ARL1: variants seen among roughly 807,000 people sequenced by gnomAD.
ARL1 encodes the protein ARF like GTPase 1.
A neutral mutation model predicts 30.1 loss-of-function variants in ARL1; 17 were observed. The ratio of observed to expected loss-of-function variants is 0.56; its 90% CI spans 0.39 to 0.85. The LOEUF is 0.85. Among genes scored for constraint, ARL1 ranks in the 40% least tolerant of loss-of-function variants. The pLI is 0.00. For missense variants in ARL1, 102 were observed against 212.6 expected (o/e 0.48, Z 3.24); for synonymous variants, 58 against 71.7 (o/e 0.81, Z 0.97).
At chr12:101,407,031 G>A (rs11612569) in intron 1 of ARL1, 28,914 of 152,194 alleles carry the variant, frequency 0.19, 3,164 homozygotes, top group East Asian at 0.36. Flanking sequence ...TGAGAATGCA[G>A]TTCCCTCAAT....
intron 4 of ARL1, among the ~76,000 whole-genome samples, chr12:101,400,085 G>A (rs1229149913): frequency 6.6e-6 from 1 of 151,948 alleles, no homozygotes; most frequent in Non-Finnish European, 1.5e-5. Context: ...ACACCACCAT[G>A]CCCGGTTAAT....
At position 101,395,677 on chromosome 12, in the gene ARL1, A is replaced by C; in HGVS notation, c.516-7T>G. 1.3e-6 allele frequency: 2 copies of C among 1,547,340 alleles called. No individual in the cohort carries two copies. Among genetic ancestry groups the C allele is most frequent in the Non-Finnish European group, 8.8e-7 (1 of 1,137,358 alleles). On this transcript the variant is annotated splice_polypyrimidine_tract_variant and splice_region_variant and intron_variant, in intron 5 of 5. Transcript: ENST00000261636. ...TTTTAATGTTTCAACTAACCTGTAA[A>C]GAGAAAATGAACTGTTTTATAAAAT...
intron 1 of ARL1, chr12:101,407,171 T>G (rs560171538): frequency 5.2e-5 from 9 of 172,396 alleles, no homozygotes; most frequent in African/African-American, 2.1e-4. Flanking sequence ...CAACACCTGC[T>G]CTCAGGTTTT....
In ARL1 at chr12:101,393,526, A is replaced by C. The variant is rs896632148; in HGVS notation, c.*2114T>G. ...AACAATATTCAGATTTGCCATGTATATATCAATATCCAAACGCTGGTAGTA... is the reference window on the plus strand; with the variant it reads ...AACAATATTCAGATTTGCCATGTATCTATCAATATCCAAACGCTGGTAGTA... On this transcript the variant is annotated 3_prime_UTR_variant, in exon 6 of 6. Transcript: ENST00000261636. The C allele has an allele frequency of 1.3e-5, 2 of 152,192 alleles. No individual in the cohort carries two copies. The highest frequency in any genetic ancestry group is 1.3e-4 in the Admixed American group (2 of 15,266). 9.4% of individuals were successfully genotyped at this position (152,192 alleles called of 1,614,324 possible).
In ARL1 at chr12:101,401,023, A is replaced by G. The variant is rs748749149; in HGVS notation, c.336+39T>C. The G allele has an allele frequency of 6.8e-6, 9 of 1,332,938 alleles. No homozygotes were observed. The Admixed American group carries it at 6.8e-5, about 10-fold the overall frequency. The allele number at this position is 1,332,938 out of a possible 1,614,324, so 82.6% of individuals were successfully genotyped here. ...TATTCTTCAATGTAATAATATGTAA[A>G]TGACTGCCCCACATTTTAAAGTGGT... On this transcript the variant is annotated intron_variant, in intron 4 of 5. Transcript: ENST00000261636.
rs893230377 is a variant in ARL1 at position 101,395,275 on chromosome 12, T to C, written c.*365A>G. 1.1e-5 allele frequency: 2 copies of C among 176,346 alleles called. No homozygotes were observed. Among genetic ancestry groups the C allele is most frequent in the South Asian group, 3.9e-4 (2 of 5,120 alleles). 10.9% of individuals were successfully genotyped at this position (176,346 alleles called of 1,614,324 possible). On this transcript the variant is annotated 3_prime_UTR_variant, in exon 6 of 6. Coordinates refer to ENST00000261636, the MANE Select transcript of ARL1 (RefSeq NM_001177.6). ...TTAAGGGGAAAAAAATCTGTTAAGATATTTTTTAGTATTTATACAAACAAG... is the reference window on the plus strand; with the variant it reads ...TTAAGGGGAAAAAAATCTGTTAAGACATTTTTTAGTATTTATACAAACAAG...
chr12:101,398,662 T>A (rs1293786259), intron 4 of ARL1, among the ~76,000 whole-genome samples: 1 of 151,964 alleles, frequency 6.6e-6, no homozygotes, highest in Non-Finnish European at 1.5e-5. Context: ...GGTCTCAAAC[T>A]CCTGACCTGA....
chr12:101,407,320 C>T (rs1871472856), intron 1 of ARL1: 4 of 347,348 alleles, frequency 1.2e-5, no homozygotes, highest in Non-Finnish European at 2.1e-5. Context: ...ACAACTCTGC[C>T]CAGCAAGTGG....
intron 4 of ARL1, among the ~76,000 whole-genome samples, chr12:101,396,820 C>T (rs1011721836): frequency 6.6e-6 from 1 of 152,104 alleles, no homozygotes; most frequent in African/African-American, 2.4e-5. Flanking sequence ...GCAGATACTT[C>T]AGAGTTTATT....
At chr12:101,400,663 A>G in intron 4 of ARL1, among the ~76,000 whole-genome samples, 1 of 152,192 alleles carries the variant, frequency 6.6e-6, no homozygotes, top group Non-Finnish European at 1.5e-5. Flanking sequence ...TGGGAAGGAT[A>G]AAAAACGATA....
chr12:101,401,176 A>G lies in ARL1; in HGVS notation c.225-3T>C. On this transcript the variant is annotated splice_region_variant and splice_polypyrimidine_tract_variant and intron_variant, in intron 3 of 5. Transcript: ENST00000261636. ...AATAGTAACATCTCCAGTATGGCCTAGAGAAAATTTAAAAGGGGAGAACAT... is the reference window on the plus strand; with the variant it reads ...AATAGTAACATCTCCAGTATGGCCTGGAGAAAATTTAAAAGGGGAGAACAT... 6.3e-7 allele frequency: 1 copy of G among 1,597,996 alleles called. No individual in the cohort carries two copies. The highest frequency in any genetic ancestry group is 8.6e-7 in the Non-Finnish European group (1 of 1,168,132).
At chr12:101,400,917 A>G (rs747001829) in intron 4 of ARL1, 145 bp downstream of exon 4, 1 of 633,924 alleles carries the variant, frequency 1.6e-6, no homozygotes, top group Non-Finnish European at 2.7e-6. Flanking sequence ...CCTCAACTGT[A>G]TTTTTGGAAT....
chr12:101,403,555 C>T (rs955961106), intron 2 of ARL1: 1 of 176,660 alleles, frequency 5.7e-6, no homozygotes, highest in Non-Finnish European at 1.2e-5. Context: ...CACAGCCCAT[C>T]TGCAGACATC....
chr12:101,403,609 G>C (rs1279369424), intron 2 of ARL1: 1 of 155,094 alleles, frequency 6.4e-6, no homozygotes, highest in African/African-American at 2.4e-5. Flanking sequence ...GGTGGTCAAA[G>C]GGCAGGTGTC....
rs1340016179 is a variant in ARL1 at position 101,393,537 on chromosome 12, C to T, written c.*2103G>A. ...GATTTGCCATGTATATATCAATATC[C>T]AAACGCTGGTAGTATACCTGTGCAG... On this transcript the variant is annotated 3_prime_UTR_variant, in exon 6 of 6. Coordinates refer to ENST00000261636, the MANE Select transcript of ARL1 (RefSeq NM_001177.6). 6.6e-6 allele frequency: 1 copy of T among 152,136 alleles called. No homozygotes were observed. Among genetic ancestry groups the T allele is most frequent in the Non-Finnish European group, 1.5e-5 (1 of 68,026 alleles). The allele number at this position is 152,136 out of a possible 1,614,324, so 9.4% of individuals were successfully genotyped here.
At chr12:101,407,451 C>A in intron 1 of ARL1, 191 bp downstream of exon 1, 1 of 688,556 alleles carries the variant, frequency 1.5e-6, no homozygotes, top group Admixed American at 2.8e-5. Flanking sequence ...CGAGAGAGGA[C>A]GGAGGAGAAC....
chr12:101,403,117 C>T (rs1871347828), intron 2 of ARL1, 171 bp from the exon 3 acceptor site: 2 of 469,998 alleles, frequency 4.3e-6, no homozygotes, highest in Non-Finnish European at 7.7e-6. Context: ...ATTGTTGAAT[C>T]ACATTATTGG....
chr12:101,402,215 C>G (rs941267385), intron 3 of ARL1, among the ~76,000 whole-genome samples: 2 of 152,156 alleles, frequency 1.3e-5, no homozygotes, highest in African/African-American at 4.8e-5. Context: ...CAGAGTCTTG[C>G]TCTGTAGCCC....
intron 4 of ARL1, 37 bp downstream of exon 4, chr12:101,401,025 G>T: frequency 7.5e-7 from 1 of 1,338,932 alleles, no homozygotes; most frequent in South Asian, 1.2e-5. Flanking sequence ...ATATGTAAAT[G>T]ACTGCCCCAC....
Sources: gnomAD v4.1 joint callset for allele counts (sites outside exome capture counted in the v4.1 genomes callset) on GRCh38, gnomAD v4.1.1 for gene constraint, MANE v1.5 for transcripts, NCBI Gene and HGNC (gene_info 2026-07-23, HGNC 2026-07-21) for gene names.